Variants in NRG1 observed in about 807,000 individuals in gnomAD.
The protein encoded by NRG1 is neuregulin 1.
Under a neutral mutation model 63.8 loss-of-function variants are expected in NRG1, and 18 were observed. The ratio of observed to expected loss-of-function variants is 0.28; its 90% CI spans 0.19 to 0.42. The LOEUF (loss-of-function observed/expected upper bound fraction) is 0.42, where lower values mean the gene tolerates loss of function less well. NRG1 is among the 10% of genes least tolerant of loss of function. NRG1 has a pLI of 1.00. For synonymous variants in NRG1, 302 were observed against 301.3 expected (o/e 1.00, Z -0.02); for missense variants, 762 against 814.7 (o/e 0.94, Z 0.79).
Position 31,667,848 on chromosome 8 carries a change from C to T in NRG1, c.37+28417C>T, listed in dbSNP as rs553572896. 6.6e-5 allele frequency among the ~76,000 whole-genome samples: 10 copies of T among 152,080 alleles called. No individual in the cohort carries two copies. In the East Asian group the frequency reaches 9.7e-4, roughly 15 times the overall value. ...GCAATGATAAGACACTGCAAATTTCCGAAGATTGGAAATTGCCACTTTTAT... is the reference window on the plus strand; with the variant it reads ...GCAATGATAAGACACTGCAAATTTCTGAAGATTGGAAATTGCCACTTTTAT... On this transcript the variant is annotated intron_variant, in intron 1 of 10. Coordinates refer to the NRG1 transcript ENST00000519301.
chr8:31,920,765 A>T (rs557133541), intron 1 of NRG1, among the ~76,000 whole-genome samples: 3 of 152,092 alleles, frequency 2.0e-5, no homozygotes, highest in Non-Finnish European at 4.4e-5. Context: ...ATACTCTAAG[A>T]TAATGCAGGT....
At chr8:32,674,719 T>C (rs1323216904) in intron 5 of NRG1, among the ~76,000 whole-genome samples, 2 of 152,218 alleles carry the variant, frequency 1.3e-5, no homozygotes, top group Non-Finnish European at 2.9e-5. Context: ...GTAATTTAAT[T>C]TAATTTCTTA....
At chr8:32,590,816 G>GC (rs1842396026) in intron 1 of NRG1, among the ~76,000 whole-genome samples, 1 of 151,844 alleles carries the variant, frequency 6.6e-6, no homozygotes, top group African/African-American at 2.4e-5. Flanking sequence ...ATGGATAGAT[G>GC]AAAAAAAGTC....
intron 1 of NRG1, among the ~76,000 whole-genome samples, chr8:31,845,635 G>T (rs919026985): frequency 6.6e-6 from 1 of 151,520 alleles, no homozygotes; most frequent in East Asian, 2.0e-4. Flanking sequence ...TTGCTTTGTT[G>T]CTAATTAGTA....
chr8:31,785,763 G>A (rs1376558147), intron 1 of NRG1, among the ~76,000 whole-genome samples: 3 of 152,090 alleles, frequency 2.0e-5, no homozygotes, highest in East Asian at 1.9e-4. Context: ...ATTCAGTTGT[G>A]TGTAGTTAAT....
At chr8:32,352,910 TATATAG>T (rs1563348723) in intron 1 of NRG1, among the ~76,000 whole-genome samples, 2 of 118,228 alleles carry the variant, frequency 1.7e-5, no homozygotes, top group Non-Finnish European at 1.9e-5. Context: ...CATATATATA[TATATAG>T]AGAGAGAGAG....
chr8:31,680,668 G>C (rs899376215), intron 1 of NRG1, among the ~76,000 whole-genome samples: 1 of 151,470 alleles, frequency 6.6e-6, no homozygotes, highest in Non-Finnish European at 1.5e-5. Flanking sequence ...TAATGGGATG[G>C]CTGGGTCAAA....
intron 1 of NRG1, among the ~76,000 whole-genome samples, chr8:32,502,826 CAT>C (rs1828024926): frequency 6.6e-6 from 1 of 152,078 alleles, no homozygotes; most frequent in Non-Finnish European, 1.5e-5. Flanking sequence ...AATAAACAAT[CAT>C]AAACTGTCAG....
intron 1 of NRG1, among the ~76,000 whole-genome samples, chr8:32,282,429 G>A (rs552105075): frequency 3.5e-4 from 53 of 152,304 alleles, no homozygotes; most frequent in Non-Finnish European, 4.9e-4. Context: ...TTTACTGTCC[G>A]CCTTCCATGA....
At chr8:32,655,559 A>G (rs1801288170) in intron 5 of NRG1, among the ~76,000 whole-genome samples, 1 of 152,190 alleles carries the variant, frequency 6.6e-6, no homozygotes. Context: ...TAACATTTCT[A>G]GAAATAAATT....
chr8:31,789,859 C>A (rs1820530764), intron 1 of NRG1, among the ~76,000 whole-genome samples: 1 of 152,080 alleles, frequency 6.6e-6, no homozygotes, highest in Admixed American at 6.6e-5. Context: ...ATTAGCAAAT[C>A]AACAGAAAAC....
At chr8:32,590,342 G>C (rs1374605018) in intron 1 of NRG1, among the ~76,000 whole-genome samples, 1 of 152,102 alleles carries the variant, frequency 6.6e-6, no homozygotes, top group Non-Finnish European at 1.5e-5. Flanking sequence ...TCAGGGTGTG[G>C]AACTACCGCC....
At chr8:31,904,691 C>G (rs1177514290) in intron 1 of NRG1, among the ~76,000 whole-genome samples, 1 of 152,178 alleles carries the variant, frequency 6.6e-6, no homozygotes, top group Admixed American at 6.5e-5. Context: ...AAATACTATG[C>G]AGTCATTAAA....
At chr8:31,951,618 G>A (rs186552016) in intron 1 of NRG1, among the ~76,000 whole-genome samples, 1 of 152,154 alleles carries the variant, frequency 6.6e-6, no homozygotes. Flanking sequence ...CTGAGGAAAT[G>A]CAAGCAGTGT....
intron 5 of NRG1, among the ~76,000 whole-genome samples, chr8:32,666,151 T>C (rs1035524954): frequency 6.6e-6 from 1 of 152,176 alleles, no homozygotes; most frequent in Non-Finnish European, 1.5e-5. Flanking sequence ...CATTTTTCCA[T>C]TTTGGCCTGG....
At chr8:31,809,856 G>A (rs1201718261) in intron 1 of NRG1, among the ~76,000 whole-genome samples, 1 of 130,400 alleles carries the variant, frequency 7.7e-6, no homozygotes, top group Non-Finnish European at 1.6e-5. Flanking sequence ...TTTTTTTTTA[G>A]GGTCAGATCC....
At chr8:32,526,885 T>G (rs1226338734) in intron 1 of NRG1, among the ~76,000 whole-genome samples, 2 of 152,214 alleles carry the variant, frequency 1.3e-5, no homozygotes, top group African/African-American at 4.8e-5. Context: ...GAGGGCTAAA[T>G]GCTAGAGGTC....
intron 5 of NRG1, among the ~76,000 whole-genome samples, chr8:32,727,730 T>G (rs1564045847): frequency 6.6e-6 from 1 of 152,214 alleles, no homozygotes; most frequent in Non-Finnish European, 1.5e-5. Flanking sequence ...TTAGTTATAG[T>G]AAAATTAGTT....
At chr8:32,036,936 A>G (rs997384306) in intron 1 of NRG1, among the ~76,000 whole-genome samples, 1 of 152,144 alleles carries the variant, frequency 6.6e-6, no homozygotes, top group Non-Finnish European at 1.5e-5. Flanking sequence ...ACTTCTGTCA[A>G]TTCATCCATC....
Sources: gnomAD v4.1 joint callset for allele counts (sites outside exome capture counted in the v4.1 genomes callset) on GRCh38, gnomAD v4.1.1 for gene constraint, MANE v1.5 for transcripts, NCBI Gene and HGNC (gene_info 2026-07-23, HGNC 2026-07-21) for gene names.